Variants in EFTUD2 observed in about 807,000 individuals in gnomAD.
EFTUD2 encodes elongation factor Tu GTP binding domain containing 2.
In EFTUD2, 9 loss-of-function variants were observed where a neutral mutation model predicts 114.3. The ratio of observed to expected loss-of-function variants is 0.08; its 90% CI spans 0.05 to 0.14. The LOEUF (loss-of-function observed/expected upper bound fraction) is 0.14, where lower values mean the gene tolerates loss of function less well. EFTUD2 is among the 10% of genes least tolerant of loss of function. The pLI, the probability that EFTUD2 is intolerant of heterozygous loss-of-function variation, is 1.00. For missense variants in EFTUD2, 765 were observed against 1,241.2 expected, an observed-to-expected ratio of 0.62 and a Z score of 5.76; for synonymous variants, 449 against 462.3, an observed-to-expected ratio of 0.97 and a Z score of 0.37.
intron 5 of EFTUD2, 177 bp downstream of exon 5, chr17:44,883,472 T>A (rs1224439209): frequency 3.0e-6 from 2 of 657,052 alleles, no homozygotes; most frequent in Non-Finnish European, 5.3e-6. Flanking sequence ...AGGCTCCACC[T>A]GCTGCTTGGG....
At chr17:44,871,304 C>T (rs374496639) in intron 11 of EFTUD2, among the ~76,000 whole-genome samples, 9 of 151,610 alleles carry the variant, frequency 5.9e-5, no homozygotes, top group East Asian at 3.9e-4. Flanking sequence ...GGATTACAGG[C>T]GTGAGCCACT....
chr17:44,894,586 G>C, intron 1 of EFTUD2, 61 bp from the exon 2 acceptor site: 1 of 1,259,006 alleles, frequency 7.9e-7, no homozygotes, highest in Non-Finnish European at 1.2e-6. Flanking sequence ...TCATGTGGTG[G>C]CTCCACCTGT....
chr17:44,865,426 T>C (rs929921483), intron 13 of EFTUD2, among the ~76,000 whole-genome samples: 3 of 152,136 alleles, frequency 2.0e-5, no homozygotes, highest in African/African-American at 7.2e-5. Flanking sequence ...TAGAGGATCA[T>C]TGTGCACTGG....
intron 23 of EFTUD2, chr17:44,853,853 CT>C: frequency 7.1e-7 from 1 of 1,410,330 alleles, no homozygotes. Flanking sequence ...TCAGGCCATG[CT>C]CAGACTTAGA....
At position 44,854,366 on chromosome 17, in the gene EFTUD2, A is replaced by G. The variant is rs576138608; in HGVS notation, c.2260-10T>C. 60 of 1,612,672 alleles carry G rather than the reference A, an allele frequency of 3.7e-5. No homozygotes were observed. The South Asian group carries it at 6.1e-4, about 16-fold the overall frequency. ...GAAGAGCCTTGTCCACCTATAGAGA[A>G]ACATGAGGCCTCCTTAGCAGTCGCC... On this transcript the variant is annotated splice_polypyrimidine_tract_variant and intron_variant, in intron 22 of 27. Transcript: ENST00000426333. This position sits in a 1 kb window ranked among gnomAD's most constrained non-coding sequence, Gnocchi z 4.3.
intron 1 of EFTUD2, 108 bp from the exon 2 acceptor site, chr17:44,894,633 C>T (rs1010271538): frequency 9.2e-6 from 7 of 764,508 alleles, no homozygotes; most frequent in Non-Finnish European, 1.4e-5. Context: ...ACCCCTTTCA[C>T]ATGCCTCCTC....
At chr17:44,852,136 C>T (rs1022536214) in intron 26 of EFTUD2, among the ~76,000 whole-genome samples, 1 of 151,994 alleles carries the variant, frequency 6.6e-6, no homozygotes, top group East Asian at 1.9e-4. Context: ...AAGCTGGTCT[C>T]GAACTCCTGA....
At chr17:44,857,387 G>A (rs1221473843) in intron 19 of EFTUD2, 2 of 440,368 alleles carry the variant, frequency 4.5e-6, no homozygotes, top group Admixed American at 6.9e-5. Flanking sequence ...TGAGCCAAGA[G>A]TAAGTGGGGT....
intron 9 of EFTUD2, among the ~76,000 whole-genome samples, chr17:44,878,144 A>G (rs2051002655): frequency 6.6e-6 from 1 of 152,218 alleles, no homozygotes; most frequent in African/African-American, 2.4e-5. Context: ...TCAAAACCAA[A>G]ACAAAACAGA....
At chr17:44,889,695 G>A (rs556841943) in intron 2 of EFTUD2, among the ~76,000 whole-genome samples, 2 of 152,278 alleles carry the variant, frequency 1.3e-5, no homozygotes, top group South Asian at 2.1e-4. Context: ...TCTTCCTTAA[G>A]AACACAAAAC....
Position 44,886,693 on chromosome 17 carries a change from T to A in EFTUD2, c.163A>T (p.Met55Leu), listed in dbSNP as rs201643401. ...TTGTCCTCATGCAGCACCACCTCCATCCCAGGGTGGTCATCGTCATGATCT... is the reference window on the plus strand; with the variant it reads ...TTGTCCTCATGCAGCACCACCTCCAACCCAGGGTGGTCATCGTCATGATCT... ...VGDHDDDHPG[M>L]EVVLHEDKKY... Residue 55 changes from methionine (M) to leucine (L), a missense_variant, in exon 3 of 28, where the codon ATG (methionine) becomes TTG (leucine). Coordinates refer to ENST00000426333, the MANE Select transcript of EFTUD2 (RefSeq NM_004247.4). The A allele has an allele frequency of 1.8e-5, 29 of 1,614,006 alleles. No homozygotes were observed. The highest frequency in any genetic ancestry group is 4.4e-5 in the South Asian group (4 of 91,082).
At chr17:44,879,450 G>T in intron 9 of EFTUD2, 106 bp downstream of exon 9, 1 of 1,133,562 alleles carries the variant, frequency 8.8e-7, no homozygotes, top group Non-Finnish European at 1.3e-6. Flanking sequence ...ATCCCAGAGA[G>T]TTTCAAGTTC....
At position 44,894,323 on chromosome 17, in the gene EFTUD2, T is replaced by C. The variant is rs563263556; in HGVS notation, c.105+94A>G. 35 of 1,041,176 alleles carry C rather than the reference T, an allele frequency of 3.4e-5. 1 individual carries two copies. In the Admixed American group the frequency reaches 5.6e-4, roughly 17 times the overall value. 64.5% of individuals were successfully genotyped at this position (1,041,176 alleles called of 1,614,324 possible). Reference sequence around the variant, plus strand: ...AGGTGGAGGTTGCAGTGAGCTGAGATTGCGCCACTGCACTCCAACCTGGCA... The same window carrying C: ...AGGTGGAGGTTGCAGTGAGCTGAGACTGCGCCACTGCACTCCAACCTGGCA... On this transcript the variant is annotated intron_variant, in intron 2 of 27. Coordinates refer to ENST00000426333, the MANE Select transcript of EFTUD2 (RefSeq NM_004247.4).
intron 10 of EFTUD2, among the ~76,000 whole-genome samples, chr17:44,874,019 C>A (rs545277159): frequency 6.0e-4 from 90 of 150,710 alleles, no homozygotes; most frequent in African/African-American, 2.2e-3. Flanking sequence ...CAGGCGTGAG[C>A]CACCGTGCCC....
rs1204892519 is a variant in EFTUD2, at chr17:44,859,099, T to C, written c.1943A>G (p.Tyr648Cys). The change falls in exon 19 of 28, where the codon TAC becomes TGC. Residue 648 changes from tyrosine to cysteine, a missense_variant. Tyr to Cys is a radical substitution (Grantham distance 194, BLOSUM62 -2). Transcript: ENST00000426333. ...DCVMHDLRKM[Y>C]SEIDIKVADP... ...CTGTACCTTGATGTCTATCTCTGAG[T>C]ACATCTTCCGCAAATCATGCATCAC... 1 of 1,613,218 alleles carries C rather than the reference T, an allele frequency of 6.2e-7. No individual in the cohort carries two copies. Among genetic ancestry groups the C allele is most frequent in the Non-Finnish European group, 8.5e-7 (1 of 1,179,194 alleles).
intron 1 of EFTUD2, among the ~76,000 whole-genome samples, chr17:44,895,460 C>T (rs1184433701): frequency 2.7e-5 from 4 of 147,260 alleles, no homozygotes; most frequent in African/African-American, 7.6e-5. Context: ...GGCACCACTG[C>T]ACTCCAGCCT....
chr17:44,872,521 C>T lies in EFTUD2; in HGVS notation c.919G>A (p.Val307Ile), dbSNP rs780542105. The T allele has an allele frequency of 3.7e-6, 6 of 1,613,038 alleles. No homozygotes were observed. In the Admixed American group the frequency reaches 8.3e-5, roughly 22 times the overall value. ...CTGTACTGGGAGCTGGAGAAGCAGA[C>T]GTTACCCAGGAGTGGGGAAAGGATC... ...NLILSPLLGN[V>I]CFSSSQYSIC... Residue 307 changes from valine to isoleucine, a missense_variant, in exon 11 of 28, where the codon GTC becomes ATC. Val to Ile is a conservative substitution (Grantham distance 29). Coordinates refer to ENST00000426333, the MANE Select transcript of EFTUD2 (RefSeq NM_004247.4).
At chr17:44,868,505 C>T in intron 11 of EFTUD2, 155 bp from the exon 12 acceptor site, 1 of 629,056 alleles carries the variant, frequency 1.6e-6, no homozygotes. Flanking sequence ...AACGAGGACA[C>T]TGAGGCACAA....
At chr17:44,865,471 T>C (rs2050729298) in intron 13 of EFTUD2, among the ~76,000 whole-genome samples, 1 of 152,196 alleles carries the variant, frequency 6.6e-6, no homozygotes, top group Non-Finnish European at 1.5e-5. Context: ...CTGTGGATCC[T>C]GTCAGGGCAG....
Sources: gnomAD v4.1 joint callset for allele counts (sites outside exome capture counted in the v4.1 genomes callset) on GRCh38, gnomAD v4.1.1 for gene constraint, Gnocchi (gnomAD v3.1) non-coding constraint, MANE v1.5 for transcripts, NCBI Gene and HGNC (gene_info 2026-07-23, HGNC 2026-07-21) for gene names.